Variants in SH2B3 observed in about 807,000 individuals in gnomAD.
The protein encoded by SH2B3 is SH2B adaptor protein 3.
A neutral mutation model predicts 51.9 loss-of-function variants in SH2B3; 43 were observed. That is an observed-to-expected ratio of 0.83 (90% CI 0.65 to 1.07). SH2B3 has a LOEUF of 1.07. Ranked by LOEUF, SH2B3 falls within the 50% of genes least tolerant of loss-of-function variation. The pLI is 0.00. For synonymous variants in SH2B3, 396 were observed against 376.0 expected (o/e 1.05, Z -0.62); for missense variants, 952 against 834.3 (o/e 1.14, Z -1.74).
rs1350353728 is a variant in SH2B3, at chr12:111,405,933, G to T, written c.-372G>T. ...GGCCGGTTCCTCTTTACATAACGGC[G>T]CGGGGCGGCATGGGCCCGGGCCACC... On this transcript the variant is annotated 5_prime_UTR_variant, in exon 1 of 8. Coordinates refer to ENST00000341259, the MANE Select transcript of SH2B3 (RefSeq NM_005475.3). This position sits in a 1 kb window ranked among gnomAD's most constrained non-coding sequence, Gnocchi z 5.4. The T allele has an allele frequency of 1.3e-5, 2 of 151,718 alleles. No individual in the cohort carries two copies. The highest frequency in any genetic ancestry group is 3.9e-4 in the East Asian group (2 of 5,162). The allele number at this position is 151,718 out of a possible 1,614,324, so 9.4% of individuals were successfully genotyped here. A position where few individuals can be genotyped will look rare whatever the true frequency, so the allele number is the denominator to read the frequency against.
intron 2 of SH2B3, among the ~76,000 whole-genome samples, chr12:111,428,176 A>AG (rs1411035021): frequency 6.6e-6 from 1 of 152,220 alleles, no homozygotes; most frequent in Non-Finnish European, 1.5e-5. Context: ...CGAGGCCTGG[A>AG]GGGGGCTGGC....
Position 111,447,826 on chromosome 12 carries a change from A to T in SH2B3, c.1407A>T (p.Pro469=), listed in dbSNP as rs1379215358. The T allele has an allele frequency of 1.2e-6, 2 of 1,613,108 alleles. No individual in the cohort carries two copies. The highest frequency in any genetic ancestry group is 1.7e-6 in the Non-Finnish European group (2 of 1,179,452). ...ACGTGGTAGTCGTCTCCCAACCACC[A>T]GGTCTGACCCTACTGCCCTTTGCTG... ...SSYVVVVSQP[P]GSCNTVLFPF... The change falls in exon 7 of 8, where the codon CCA becomes CCT. Residue 469 remains proline (P), a splice_region_variant and synonymous_variant. Coordinates refer to ENST00000341259, the MANE Select transcript of SH2B3 (RefSeq NM_005475.3).
chr12:111,424,480 C>A (rs1379199221), intron 2 of SH2B3, among the ~76,000 whole-genome samples: 1 of 152,152 alleles, frequency 6.6e-6, no homozygotes, highest in Non-Finnish European at 1.5e-5. Context: ...CCCCAAGACT[C>A]CTGTTCTCTG....
intron 2 of SH2B3, among the ~76,000 whole-genome samples, chr12:111,430,618 G>A (rs1270429719): frequency 1.3e-5 from 2 of 152,134 alleles, no homozygotes; most frequent in Admixed American, 6.5e-5. Context: ...AAGGGTGGAC[G>A]CTGGAGAAGG....
At position 111,429,798 on chromosome 12, in the gene SH2B3, G is replaced by A. The variant is rs1439881379; in HGVS notation, c.732+10921G>A. On this transcript the variant is annotated intron_variant, in intron 2 of 7. Transcript: ENST00000341259. This position sits in a 1 kb window ranked among gnomAD's most constrained non-coding sequence, Gnocchi z 4.4. ...CTTGCCCGAGGCCCCAGAGCTGGTA[G>A]GTGGCCAAGGCAGGAAATGAGAGTC... 1.3e-5 allele frequency among the ~76,000 whole-genome samples: 2 copies of A among 152,340 alleles called. No homozygotes were observed. The highest frequency in any genetic ancestry group is 1.9e-4 in the East Asian group (1 of 5,184).
intron 2 of SH2B3, among the ~76,000 whole-genome samples, chr12:111,419,885 T>C (rs1455595980): frequency 1.3e-5 from 2 of 152,228 alleles, no homozygotes; most frequent in Non-Finnish European, 1.5e-5. Context: ...GTTTAGTCGT[T>C]ACGTCTCCTT....
Position 111,448,282 on chromosome 12 carries a change from A to G in SH2B3, c.1708A>G (p.Asn570Asp), listed in dbSNP as rs1210105440. 6.2e-7 allele frequency: 1 copy of G among 1,612,950 alleles called. No homozygotes were observed. The highest frequency in any genetic ancestry group is 1.7e-5 in the Admixed American group (1 of 59,946). ...SSRSHLRAID[N>D]QYTPL ...CCGGAGCCACCTGCGGGCCATAGAC[A>G]ATCAGTACACACCTCTCTGACCAGT... Residue 570 changes from asparagine to aspartate, a missense_variant, in exon 8 of 8, where the codon AAT becomes GAT. Coordinates refer to ENST00000341259, the MANE Select transcript of SH2B3 (RefSeq NM_005475.3).
rs1341949833 is a variant in SH2B3, at chr12:111,450,509, G to A, written c.*2207G>A. 2 of 152,212 alleles carry A rather than the reference G, an allele frequency of 1.3e-5. No individual in the cohort carries two copies. Among genetic ancestry groups the A allele is most frequent in the Non-Finnish European group, 2.9e-5 (2 of 68,052 alleles). The allele number at this position is 152,212 out of a possible 1,614,324, so 9.4% of individuals were successfully genotyped here. A position where few individuals can be genotyped will look rare whatever the true frequency, so the allele number is the denominator to read the frequency against. On this transcript the variant is annotated 3_prime_UTR_variant, in exon 8 of 8. Coordinates refer to ENST00000341259, the MANE Select transcript of SH2B3 (RefSeq NM_005475.3). ...AACCAAATTAAGTTCCCTCCCTCCA[G>A]CCAGAAGTTAAACATCTGGGATATG... is the stretch of plus-strand genomic sequence containing the variant.
intron 2 of SH2B3, among the ~76,000 whole-genome samples, chr12:111,428,545 GGGCCCACCCTTCT>G (rs1872192011): frequency 6.6e-6 from 1 of 152,176 alleles, no homozygotes; most frequent in South Asian, 2.1e-4. Flanking sequence ...GGGCAGCCTC[GGGCCCACCCTTCT>G]GGCAGGAGAC....
chr12:111,411,461 C>T (rs1045006755), intron 1 of SH2B3, among the ~76,000 whole-genome samples: 9 of 152,130 alleles, frequency 5.9e-5, no homozygotes, highest in Admixed American at 3.9e-4. Context: ...AAAATTTCAG[C>T]CTCCCGAATT....
intron 2 of SH2B3, among the ~76,000 whole-genome samples, chr12:111,425,667 T>A (rs1244008851): frequency 6.6e-6 from 1 of 152,108 alleles, no homozygotes; most frequent in East Asian, 1.9e-4. Context: ...GATTTAGGCC[T>A]AGAGGGCCTG....
chr12:111,443,762 G>C (rs187396670), intron 2 of SH2B3: 7 of 152,338 alleles, frequency 4.6e-5, no homozygotes, highest in South Asian at 2.1e-4. Context: ...AGCTGTGCGA[G>C]TCATGCCTTT....
intron 2 of SH2B3, among the ~76,000 whole-genome samples, chr12:111,427,207 G>GGC (rs1872076547): frequency 2.6e-5 from 4 of 151,828 alleles, no homozygotes; most frequent in African/African-American, 4.8e-5. Flanking sequence ...CCAACATAGT[G>GGC]AAACCCAGTC....
chr12:111,448,580 C>T lies in SH2B3; in HGVS notation c.*278C>T, dbSNP rs907920116. On this transcript the variant is annotated 3_prime_UTR_variant, in exon 8 of 8. Transcript: ENST00000341259. ...GCCCGGGGTCCCTATGCCCAGTCCC[C>T]GTTACTCTTAGAGAAAGGAGTTGGG... The T allele has an allele frequency of 7.7e-5, 32 of 414,536 alleles. No individual in the cohort carries two copies. The highest frequency in any genetic ancestry group is 5.4e-4 in the Admixed American group (13 of 24,066). 25.7% of individuals were successfully genotyped at this position (414,536 alleles called of 1,614,324 possible). A position where few individuals can be genotyped will look rare whatever the true frequency, so the allele number is the denominator to read the frequency against.
At position 111,448,632 on chromosome 12, in the gene SH2B3, C is replaced by T; in HGVS notation, c.*330C>T. 3.7e-6 allele frequency: 1 copy of T among 271,754 alleles called. No individual in the cohort carries two copies. The highest frequency in any genetic ancestry group is 7.0e-6 in the Non-Finnish European group (1 of 142,108). The allele number at this position is 271,754 out of a possible 1,614,324, so 16.8% of individuals were successfully genotyped here. On this transcript the variant is annotated 3_prime_UTR_variant, in exon 8 of 8. Transcript: ENST00000341259. ...TGAGGGCCAGAGCTGGCAGTGGAAA[C>T]TTGTTCTCTTTTTCACTGACACTGT...
In SH2B3 at chr12:111,447,569, G is replaced by C. The variant is rs767705501; in HGVS notation, c.1236+25G>C. On this transcript the variant is annotated intron_variant, in intron 6 of 7. Transcript: ENST00000341259. ...GGTATGGGGTGGGGTGGGGTGGGGT[G>C]GGGCAGGCAGGACCGTGCCACCCCT... is the stretch of plus-strand genomic sequence containing the variant. 129 of 1,509,954 alleles carry C rather than the reference G, an allele frequency of 8.5e-5. 1 individual carries two copies. The highest frequency in any genetic ancestry group is 1.1e-4 in the Non-Finnish European group (125 of 1,106,636). The allele number at this position is 1,509,954 out of a possible 1,614,324, so 93.5% of individuals were successfully genotyped here.
At chr12:111,437,726 C>T (rs943024026) in intron 2 of SH2B3, among the ~76,000 whole-genome samples, 1 of 152,178 alleles carries the variant, frequency 6.6e-6, no homozygotes, top group African/African-American at 2.4e-5. Flanking sequence ...CTGGAACTGG[C>T]TCATTGCCTT....
Position 111,448,102 on chromosome 12 carries a change from C to G in SH2B3, c.1528C>G (p.Leu510Val). 1 of 1,614,034 alleles carries G rather than the reference C, an allele frequency of 6.2e-7. No homozygotes were observed. Among genetic ancestry groups the G allele is most frequent in the Non-Finnish European group, 8.5e-7 (1 of 1,179,948 alleles). The change falls in exon 8 of 8, where the codon CTC becomes GTC. Residue 510 changes from leucine to valine, a missense_variant. Physicochemically the swap from Leu to Val is conservative, Grantham distance 32 (BLOSUM62 1). Transcript: ENST00000341259. ...HLSSSGCPRG[L>V]SPEGLPGRSS... ...TAGTTCTTCTGGCTGTCCCCGGGGG[C>G]TCAGCCCAGAGGGTCTCCCAGGGCG...
At chr12:111,447,858 G>T in intron 7 of SH2B3, 31 bp downstream of exon 7, 1 of 1,604,416 alleles carries the variant, frequency 6.2e-7, no homozygotes. Context: ...GCTGAAGGGG[G>T]TGGCTGACAC....
Sources: gnomAD v4.1 joint callset for allele counts (sites outside exome capture counted in the v4.1 genomes callset) on GRCh38, gnomAD v4.1.1 for gene constraint, Gnocchi (gnomAD v3.1) non-coding constraint, MANE v1.5 for transcripts, NCBI Gene and HGNC (gene_info 2026-07-23, HGNC 2026-07-21) for gene names.